The following MMP26 variants were observed in gnomAD, a reference collection of about 807,000 sequenced individuals.
The protein encoded by MMP26 is matrix metallopeptidase 26.
In MMP26, 33 loss-of-function variants were observed where a neutral mutation model predicts 31.0. That is an observed-to-expected ratio of 1.06 (90% CI 0.81 to 1.42). MMP26 has a LOEUF of 1.42. Ranked by LOEUF, MMP26 falls within the 40% of genes most tolerant of loss-of-function variation. MMP26 has a pLI of 0.00. For synonymous variants in MMP26, 122 were observed against 114.9 expected (o/e 1.06, Z -0.40); for missense variants, 347 against 316.1 (o/e 1.10, Z -0.74).
At chr11:4,802,694 A>C (rs1350376220) in intron 2 of MMP26, among the ~76,000 whole-genome samples, 6 of 152,206 alleles carry the variant, frequency 3.9e-5, no homozygotes, top group Non-Finnish European at 7.4e-5. Context: ...CATAAGCATC[A>C]CTACTCCAAG....
intron 2 of MMP26, chr11:4,908,168 A>C (rs915326673): frequency 3.7e-6 from 6 of 1,614,092 alleles, no homozygotes; most frequent in Non-Finnish European, 5.1e-6. Flanking sequence ...TGCCAAGCAC[A>C]AAAGCCCTCT....
At chr11:4,838,210 C>T (rs910398302) in intron 2 of MMP26, among the ~76,000 whole-genome samples, 3 of 148,594 alleles carry the variant, frequency 2.0e-5, no homozygotes, top group Non-Finnish European at 3.0e-5. Context: ...CCCAGCTACT[C>T]GGGAGGCTGA....
At chr11:4,721,343 C>T (rs1412609132) in intron 1 of MMP26, among the ~76,000 whole-genome samples, 1 of 152,182 alleles carries the variant, frequency 6.6e-6, no homozygotes, top group African/African-American at 2.4e-5. Context: ...TCATTACATA[C>T]AATCTTCTGA....
intron 2 of MMP26, chr11:4,881,806 A>C: frequency 2.7e-6 from 3 of 1,124,450 alleles, no homozygotes; most frequent in Non-Finnish European, 3.9e-6. Context: ...TTAAATTTAA[A>C]ATTGTATATA....
At chr11:4,871,366 T>G (rs1034597737) in intron 2 of MMP26, among the ~76,000 whole-genome samples, 14 of 152,190 alleles carry the variant, frequency 9.2e-5, no homozygotes, top group Middle Eastern at 6.8e-3. Flanking sequence ...AAGGGTAAAT[T>G]TTTCTTTCAG....
intron 2 of MMP26, among the ~76,000 whole-genome samples, chr11:4,922,645 C>G (rs1263238739): frequency 6.6e-6 from 1 of 152,162 alleles, no homozygotes; most frequent in Non-Finnish European, 1.5e-5. Context: ...CACAAAATAA[C>G]ACATAATTTT....
chr11:4,833,394 GC>G (rs2133482549), intron 2 of MMP26, among the ~76,000 whole-genome samples: 1 of 152,300 alleles, frequency 6.6e-6, no homozygotes, highest in South Asian at 2.1e-4. Context: ...AGGAAAAGTA[GC>G]CCTTAACTGT....
At chr11:4,794,011 A>C (rs1421943917) in intron 2 of MMP26, 1 of 152,224 alleles carries the variant, frequency 6.6e-6, no homozygotes, top group Non-Finnish European at 1.5e-5. Flanking sequence ...TTGGGCAGAG[A>C]TTCTCTGCAG....
chr11:4,856,453 C>T (rs1036324843), intron 2 of MMP26, among the ~76,000 whole-genome samples: 7 of 152,060 alleles, frequency 4.6e-5, no homozygotes, highest in Non-Finnish European at 1.0e-4. Context: ...TTTTAACCAA[C>T]AAAGATCAAA....
At chr11:4,744,905 T>C (rs1424941913) in intron 1 of MMP26, among the ~76,000 whole-genome samples, 1 of 152,148 alleles carries the variant, frequency 6.6e-6, no homozygotes, top group Non-Finnish European at 1.5e-5. Context: ...TTCTTCTTTA[T>C]ATTTTGTGAT....
At position 4,992,362 on chromosome 11, in the gene MMP26, T is replaced by C; in HGVS notation, c.*120T>C. The stretch of plus-strand genomic sequence containing the variant: ...GGATGAAGCCCTAAAGAATGCAACC[T>C]AGTCAGGTTAGCTGAACCGACACTC... On this transcript the variant is annotated 3_prime_UTR_variant, in exon 8 of 8. Coordinates refer to ENST00000380390, the MANE Select transcript of MMP26 (RefSeq NM_021801.5). 1 of 915,038 alleles carries C rather than the reference T, an allele frequency of 1.1e-6. No homozygotes were observed. Among genetic ancestry groups the C allele is most frequent in the East Asian group, 2.6e-5 (1 of 37,916 alleles). 56.7% of individuals were successfully genotyped at this position (915,038 alleles called of 1,614,324 possible).
In MMP26 at chr11:4,915,797, T is replaced by G. The variant is rs541363984; in HGVS notation, c.-144-72271T>G. ...AATATACCTAGAACTGTGCAGCTCT[T>G]TCTAGTGGTTATGTCTTTCTGGTCC... On this transcript the variant is annotated intron_variant, in intron 2 of 7. Transcript: ENST00000380390. 8.0e-5 allele frequency: 46 copies of G among 578,532 alleles called. 2 individuals are homozygous for G. The South Asian group carries it at 1.2e-3, about 16-fold the overall frequency. 35.8% of individuals were successfully genotyped at this position (578,532 alleles called of 1,614,324 possible). A position where few individuals can be genotyped will look rare whatever the true frequency, so the allele number is the denominator to read the frequency against.
At chr11:4,991,310 C>T in intron 5 of MMP26, 61 bp from the exon 6 acceptor site, 1 of 1,561,350 alleles carries the variant, frequency 6.4e-7, no homozygotes, top group Admixed American at 1.8e-5. Flanking sequence ...TTACTTAAGA[C>T]TATTCTGGCC....
chr11:4,818,008 G>A (rs962921146), intron 2 of MMP26, among the ~76,000 whole-genome samples: 6 of 152,186 alleles, frequency 3.9e-5, no homozygotes, highest in Non-Finnish European at 7.3e-5. Flanking sequence ...GAGCAGAAAG[G>A]GAGGAATGGG....
chr11:4,838,316 A>T (rs1229726503), intron 2 of MMP26, among the ~76,000 whole-genome samples: 3 of 37,950 alleles, frequency 7.9e-5, no homozygotes, highest in Admixed American at 2.7e-4. Context: ...GACTCTGTCT[A>T]AAAAAAAAAA....
intron 2 of MMP26, chr11:4,907,532 C>T: frequency 1.9e-6 from 3 of 1,614,124 alleles, no homozygotes; most frequent in Non-Finnish European, 1.7e-6. Context: ...AGAGCCCTCG[C>T]TTCATGAGCC....
At chr11:4,977,540 C>G (rs1451225998) in intron 2 of MMP26, among the ~76,000 whole-genome samples, 1 of 152,112 alleles carries the variant, frequency 6.6e-6, no homozygotes, top group Non-Finnish European at 1.5e-5. Context: ...CTATAACACT[C>G]TCACTAGAGG....
chr11:4,848,250 C>A, intron 2 of MMP26: 2 of 1,605,890 alleles, frequency 1.2e-6, no homozygotes, highest in Non-Finnish European at 1.7e-6. Context: ...CTGAGCACCA[C>A]CCACCTTCCT....
intron 2 of MMP26, among the ~76,000 whole-genome samples, chr11:4,962,595 T>G (rs1174136737): frequency 2.0e-5 from 3 of 152,188 alleles, no homozygotes; most frequent in African/African-American, 7.2e-5. Context: ...GCAGTAATTC[T>G]ATAATTCAGG....
Sources: allele counts gnomAD v4.1 joint callset (sites outside exome capture counted in the v4.1 genomes callset), GRCh38; gene constraint gnomAD v4.1.1; transcripts MANE v1.5; gene names NCBI Gene and HGNC (gene_info 2026-07-23, HGNC 2026-07-21).